ANO5: variants seen among roughly 807,000 people sequenced by gnomAD.
ANO5 encodes anoctamin 5.
A neutral mutation model predicts 121.0 loss-of-function variants in ANO5; 109 were observed. The ratio of observed to expected loss-of-function variants is 0.90; its 90% CI spans 0.77 to 1.06. The LOEUF (loss-of-function observed/expected upper bound fraction) is 1.06, where lower values mean the gene tolerates loss of function less well. ANO5 is among the 50% of genes least tolerant of loss of function. ANO5 has a pLI of 0.00. For synonymous variants in ANO5, 406 were observed against 359.9 expected, an observed-to-expected ratio of 1.13 and a Z score of -1.45; for missense variants, 1,064 against 1,078.5, an observed-to-expected ratio of 0.99 and a Z score of 0.19.
At position 22,279,873 on chromosome 11, in the gene ANO5, T is replaced by A. The variant is rs1855018206; in HGVS notation, c.*108T>A. On this transcript the variant is annotated 3_prime_UTR_variant, in exon 22 of 22. Transcript: ENST00000324559. The stretch of plus-strand genomic sequence containing the variant: ...GTCAATTTTACCCTTTCTTTTTTTT[T>A]TTTTTCTTTTTTTTTTTAAACTCAA... The A allele has an allele frequency of 1.0e-6, 1 of 998,114 alleles. No homozygotes were observed. Among genetic ancestry groups the A allele is most frequent in the Non-Finnish European group, 1.5e-6 (1 of 687,084 alleles). The allele number at this position is 998,114 out of a possible 1,614,324, so 61.8% of individuals were successfully genotyped here. A position where few individuals can be genotyped will look rare whatever the true frequency, so the allele number is the denominator to read the frequency against.
intron 17 of ANO5, among the ~76,000 whole-genome samples, chr11:22,264,454 G>A (rs1469274768): frequency 6.8e-6 from 1 of 148,084 alleles, no homozygotes; most frequent in East Asian, 2.0e-4. Context: ...AGACAGGGGA[G>A]GTAAAAGAAT....
chr11:22,228,519 C>G (rs1323646148), intron 7 of ANO5, among the ~76,000 whole-genome samples: 2 of 151,912 alleles, frequency 1.3e-5, no homozygotes, highest in Non-Finnish European at 2.9e-5. Context: ...AACCTCTCTT[C>G]TAGCTATTTT....
At chr11:22,230,693 G>A (rs1452546856) in intron 7 of ANO5, among the ~76,000 whole-genome samples, 2 of 151,804 alleles carry the variant, frequency 1.3e-5, no homozygotes, top group East Asian at 1.9e-4. Flanking sequence ...GTACCAAAAA[G>A]CAGACAGACA....
intron 10 of ANO5, 80 bp downstream of exon 10, chr11:22,250,451 C>T: frequency 6.4e-7 from 1 of 1,561,804 alleles, no homozygotes; most frequent in Non-Finnish European, 8.8e-7. Flanking sequence ...ATTTCCCTGG[C>T]ATTTCCTTCA....
At position 22,248,170 on chromosome 11, in the gene ANO5, C is replaced by T. The variant is rs1324302669; in HGVS notation, c.879-2067C>T. 2.0e-5 allele frequency among the ~76,000 whole-genome samples: 3 copies of T among 152,068 alleles called. No individual in the cohort carries two copies. In the South Asian group the frequency reaches 6.2e-4, roughly 31 times the overall value. On this transcript the variant is annotated intron_variant, in intron 9 of 21. Coordinates refer to ENST00000324559, the MANE Select transcript of ANO5 (RefSeq NM_213599.3). ...TTACTATGTCTTCAACTAAATATTACATCTTGGAAATACAAAATGAGAGCA... is the reference window on the plus strand; with the variant it reads ...TTACTATGTCTTCAACTAAATATTATATCTTGGAAATACAAAATGAGAGCA...
intron 2 of ANO5, among the ~76,000 whole-genome samples, chr11:22,207,506 C>A (rs1299691690): frequency 6.6e-6 from 1 of 152,030 alleles, no homozygotes; most frequent in Admixed American, 6.6e-5. Context: ...AATTTTATAA[C>A]TTATACAAAA....
At chr11:22,211,684 A>G (rs1353595790) in intron 3 of ANO5, among the ~76,000 whole-genome samples, 1 of 151,848 alleles carries the variant, frequency 6.6e-6, no homozygotes, top group African/African-American at 2.4e-5. Context: ...CCACTGCATC[A>G]CTCTTCTTGT....
intron 4 of ANO5, 101 bp from the exon 5 acceptor site, chr11:22,220,996 A>T (rs1401208683): frequency 2.5e-5 from 21 of 833,476 alleles, no homozygotes; most frequent in Non-Finnish European, 3.3e-5. Context: ...AACTCTGGTT[A>T]TTTGTCTTGA....
intron 4 of ANO5, 70 bp downstream of exon 4, chr11:22,218,357 T>C: frequency 6.4e-7 from 1 of 1,572,930 alleles, no homozygotes; most frequent in Non-Finnish European, 8.7e-7. Context: ...TTATTTTTCT[T>C]CTAATGAATA....
At chr11:22,258,240 G>A (rs1854068073) in intron 14 of ANO5, among the ~76,000 whole-genome samples, 1 of 152,138 alleles carries the variant, frequency 6.6e-6, no homozygotes, top group African/African-American at 2.4e-5. Flanking sequence ...ATTGACAGTT[G>A]TAGACTATAG....
At chr11:22,271,502 C>T (rs558008254) in intron 18 of ANO5, among the ~76,000 whole-genome samples, 227 of 152,214 alleles carry the variant, frequency 1.5e-3, no homozygotes, top group Non-Finnish European at 2.8e-3. Context: ...TTATAGAACT[C>T]TTTGTAAAAT....
At chr11:22,230,719 G>A (rs1670468207) in intron 7 of ANO5, among the ~76,000 whole-genome samples, 1 of 151,794 alleles carries the variant, frequency 6.6e-6, no homozygotes. Context: ...GATGCAAACC[G>A]GGTCCTCTCC....
At chr11:22,209,087 G>C (rs1852205251) in intron 2 of ANO5, among the ~76,000 whole-genome samples, 1 of 151,910 alleles carries the variant, frequency 6.6e-6, no homozygotes, top group South Asian at 2.1e-4. Context: ...CAAGACAGAA[G>C]TATAAGAATT....
At chr11:22,238,245 T>G (rs528073257) in intron 8 of ANO5, among the ~76,000 whole-genome samples, 12 of 151,952 alleles carry the variant, frequency 7.9e-5, no homozygotes, top group African/African-American at 2.6e-4. Flanking sequence ...TTGCATTGCA[T>G]TCTGTCCATC....
intron 8 of ANO5, 123 bp downstream of exon 8, chr11:22,236,399 A>G (rs1337953405): frequency 2.5e-6 from 2 of 793,280 alleles, no homozygotes; most frequent in Non-Finnish European, 4.3e-6. Context: ...AAAATCCCCA[A>G]AGACTTCTTG....
At chr11:22,243,496 GTTC>G in intron 9 of ANO5, among the ~76,000 whole-genome samples, 1 of 152,056 alleles carries the variant, frequency 6.6e-6, no homozygotes. Context: ...GTTGTTACAA[GTTC>G]TTCTTTGTAT....
intron 7 of ANO5, among the ~76,000 whole-genome samples, chr11:22,235,272 T>A (rs926961729): frequency 2.6e-5 from 4 of 152,084 alleles, no homozygotes; most frequent in African/African-American, 9.7e-5. Context: ...GTTCTTATTG[T>A]GGTGAATCTT....
intron 1 of ANO5, 26 bp from the exon 2 acceptor site, chr11:22,203,778 G>A (rs1214503794): frequency 5.0e-6 from 7 of 1,388,842 alleles, no homozygotes; most frequent in Non-Finnish European, 7.1e-6. Flanking sequence ...AATTTAACAT[G>A]TTTTTCTCTT....
intron 1 of ANO5, among the ~76,000 whole-genome samples, chr11:22,199,743 T>C (rs1161852949): frequency 2.0e-5 from 3 of 152,088 alleles, no homozygotes; most frequent in Admixed American, 2.0e-4. Flanking sequence ...CACTCTGTTG[T>C]GATGTGTTGT....
Sources: gnomAD v4.1 joint callset for allele counts (sites outside exome capture counted in the v4.1 genomes callset) on GRCh38, gnomAD v4.1.1 for gene constraint, MANE v1.5 for transcripts, NCBI Gene and HGNC (gene_info 2026-07-23, HGNC 2026-07-21) for gene names.